DNAH6: variants seen among roughly 807,000 people sequenced by gnomAD.
The protein encoded by DNAH6 is dynein axonemal heavy chain 6, also known as axonemal beta dynein heavy chain 6.
A neutral mutation model predicts 491.4 loss-of-function variants in DNAH6; 340 were observed. The observed-to-expected ratio is 0.69, with a 90% CI of 0.63 to 0.76. The LOEUF (loss-of-function observed/expected upper bound fraction) is 0.76. Among genes scored for constraint, DNAH6 ranks in the 30% least tolerant of loss-of-function variants. The pLI, the probability that DNAH6 is intolerant of heterozygous loss-of-function variation, is 0.00. For synonymous variants in DNAH6, 1,603 were observed against 1,686.1 expected (o/e 0.95, Z 1.21); for missense variants, 4,443 against 4,972.2 (o/e 0.89, Z 3.20).
chr2:84,765,232 G>C (rs1192381), intron 64 of DNAH6, among the ~76,000 whole-genome samples: 5,294 of 152,094 alleles, frequency 0.035, 139 homozygotes, highest in Non-Finnish European at 0.054. Context: ...AAGTGACCTT[G>C]GGAGTGGAGG....
chr2:84,690,297 G>T lies in DNAH6; in HGVS notation c.7292+1704G>T, dbSNP rs190474906. On this transcript the variant is annotated intron_variant, in intron 45 of 76. Coordinates refer to ENST00000389394, the MANE Select transcript of DNAH6 (RefSeq NM_001370.2). ...GTTCCATATTTCAGCTCTTTAATTA[G>T]CCCTAATTCAAGATTTATGTTTGTC... Among the ~76,000 whole-genome samples, 153 of 152,062 alleles carry T rather than the reference G, an allele frequency of 1.0e-3. 1 individual carries two copies. Among genetic ancestry groups the T allele is most frequent in the African/African-American group, 3.6e-3 (148 of 41,440 alleles).
At chr2:84,721,503 C>T (rs1698154419) in intron 59 of DNAH6, among the ~76,000 whole-genome samples, 1 of 152,122 alleles carries the variant, frequency 6.6e-6, no homozygotes, top group African/African-American at 2.4e-5. Flanking sequence ...CCATAGGTGG[C>T]TGTTGAGCAC....
chr2:84,688,714 ACT>A, intron 45 of DNAH6, 121 bp downstream of exon 45: 2 of 720,380 alleles, frequency 2.8e-6, no homozygotes, highest in Non-Finnish European at 4.3e-6. Context: ...TCTTTTATTA[ACT>A]CTCACCATAA....
chr2:84,698,765 A>C (rs1435932621), intron 47 of DNAH6, among the ~76,000 whole-genome samples: 1 of 152,272 alleles, frequency 6.6e-6, no homozygotes, highest in Non-Finnish European at 1.5e-5. Context: ...TATTCACAAT[A>C]GCAAAGACAC....
At chr2:84,774,975 T>C (rs2105193866) in intron 64 of DNAH6, among the ~76,000 whole-genome samples, 1 of 152,296 alleles carries the variant, frequency 6.6e-6, no homozygotes, top group South Asian at 2.1e-4. Flanking sequence ...AGTTCTTCTT[T>C]TCCTATTTGG....
At chr2:84,539,091 T>C (rs906092929) in intron 4 of DNAH6, among the ~76,000 whole-genome samples, 3 of 152,128 alleles carry the variant, frequency 2.0e-5, no homozygotes, top group African/African-American at 7.2e-5. Context: ...TTTCTTAGGC[T>C]AATCTACGAA....
In DNAH6 at chr2:84,733,512, A is replaced by G. The variant is rs1699285006; in HGVS notation, c.10275A>G (p.Glu3425=). 1 of 1,551,550 alleles carries G rather than the reference A, an allele frequency of 6.4e-7. No individual in the cohort carries two copies. The highest frequency in any genetic ancestry group is 1.2e-5 in the South Asian group (1 of 84,058). ...CATGGTTCGCATGCTGTGACTTGGA[A>G]GAATCATTTCCAGTTTTTCACGGAC... ...TATWFACCDL[E]ESFPVFHGLT... Residue 3425 remains glutamate (E), a synonymous_variant, in exon 62 of 77, where the codon GAA becomes GAG. Transcript: ENST00000389394.
At chr2:84,465,555 G>A in the DNAH6 span, among the ~76,000 whole-genome samples, 1 of 152,072 alleles carries the variant, frequency 6.6e-6, no homozygotes, top group Non-Finnish European at 1.5e-5. Context: ...CCCACACAAA[G>A]AGTATAACAG....
intron 14 of DNAH6, among the ~76,000 whole-genome samples, chr2:84,581,112 A>G (rs894241582): frequency 7.9e-5 from 12 of 152,218 alleles, no homozygotes; most frequent in African/African-American, 2.9e-4. Context: ...AGGCCTAGTA[A>G]ATTGATTCAG....
At chr2:84,751,562 T>C (rs1313005763) in intron 63 of DNAH6, among the ~76,000 whole-genome samples, 1 of 152,226 alleles carries the variant, frequency 6.6e-6, no homozygotes, top group Non-Finnish European at 1.5e-5. Flanking sequence ...GGAAATAGAA[T>C]GCTTGTCATC....
At position 84,681,499 on chromosome 2, in the gene DNAH6, A is replaced by T; in HGVS notation, c.6887A>T (p.Asn2296Ile). Residue 2296 changes from asparagine (N) to isoleucine (I), a missense_variant, in exon 42 of 77, where the codon AAC becomes ATC. Around this residue, in one of 3 missense-constraint regions of DNAH6, gnomAD observed 2,977 missense variants for 3,296.6 expected, o/e 0.90. Transcript: ENST00000389394. The part of the protein sequence containing the change: ...PTPAKSHYVF[N>I]LRDLSKCVQG... Reference sequence around the variant, plus strand: ...CCCGCCAAGTCCCATTATGTCTTTAACTTGAGGGACTTATCCAAATGTGTG... The same window carrying T: ...CCCGCCAAGTCCCATTATGTCTTTATCTTGAGGGACTTATCCAAATGTGTG... 1 of 1,549,486 alleles carries T rather than the reference A, an allele frequency of 6.5e-7. No homozygotes were observed. Among genetic ancestry groups the T allele is most frequent in the Non-Finnish European group, 8.7e-7 (1 of 1,146,142 alleles).
chr2:84,577,319 C>A lies in DNAH6; in HGVS notation c.1987C>A (p.Leu663Ile). ...YHKQHKDAVA[L>I]RPTRNVGLLL... is the part of the protein sequence containing the mutation. ...CAAACAGCACAAGGACGCAGTAGCGCTCAGACCCACCAGAAATGTAGGATT... is the reference window on the plus strand; with the variant it reads ...CAAACAGCACAAGGACGCAGTAGCGATCAGACCCACCAGAAATGTAGGATT... Residue 663 changes from leucine to isoleucine, a missense_variant, in exon 13 of 77, where the codon CTC (leucine) becomes ATC (isoleucine). Coordinates refer to ENST00000389394, the MANE Select transcript of DNAH6 (RefSeq NM_001370.2). 1 of 1,612,036 alleles carries A rather than the reference C, an allele frequency of 6.2e-7. No homozygotes were observed. The highest frequency in any genetic ancestry group is 1.1e-5 in the South Asian group (1 of 90,540).
intron 62 of DNAH6, among the ~76,000 whole-genome samples, chr2:84,740,230 T>C (rs1672383304): frequency 6.6e-6 from 1 of 152,148 alleles, no homozygotes; most frequent in East Asian, 1.9e-4. Context: ...GTAATTTTAT[T>C]TGGTGGCGTA....
At chr2:84,549,794 TA>T in intron 8 of DNAH6, 94 bp from the exon 9 acceptor site, 1 of 820,886 alleles carries the variant, frequency 1.2e-6, no homozygotes, top group Admixed American at 3.1e-5. Flanking sequence ...GAAATTATGA[TA>T]TTTTACATTT....
At chr2:84,466,719 G>C in the DNAH6 span, among the ~76,000 whole-genome samples, 2 of 152,160 alleles carry the variant, frequency 1.3e-5, no homozygotes, top group African/African-American at 4.8e-5. Context: ...CTGCATTTAA[G>C]AATACCAGTT....
chr2:84,491,065 G>A, the DNAH6 span, among the ~76,000 whole-genome samples: 2 of 152,110 alleles, frequency 1.3e-5, no homozygotes, highest in Non-Finnish European at 2.9e-5. Flanking sequence ...AAATAAGGTA[G>A]CTATAAAACA....
intron 64 of DNAH6, among the ~76,000 whole-genome samples, chr2:84,779,217 T>C (rs1275179313): frequency 6.6e-6 from 1 of 152,212 alleles, no homozygotes; most frequent in African/African-American, 2.4e-5. Context: ...CACAATGATG[T>C]GTCTAATACT....
At chr2:84,610,312 T>C (rs1260244374) in intron 21 of DNAH6, among the ~76,000 whole-genome samples, 1 of 152,160 alleles carries the variant, frequency 6.6e-6, no homozygotes, top group African/African-American at 2.4e-5. Context: ...CAGTCTTATA[T>C]AACATAAACA....
intron 58 of DNAH6, among the ~76,000 whole-genome samples, chr2:84,717,910 G>C (rs778898970): frequency 6.6e-6 from 1 of 152,174 alleles, no homozygotes; most frequent in Non-Finnish European, 1.5e-5. Context: ...AATGATTAGA[G>C]AGATCAAGTA....
Sources: allele counts gnomAD v4.1 joint callset (sites outside exome capture counted in the v4.1 genomes callset), GRCh38; gene constraint gnomAD v4.1.1; regional missense constraint gnomAD v4.1.1; transcripts MANE v1.5; gene names NCBI Gene and HGNC (gene_info 2026-07-23, HGNC 2026-07-21).